Variants in C16orf87 observed in about 807,000 individuals in gnomAD.
The protein encoded by C16orf87 is HDAC and MIER1 interacting protein 1.
Under a neutral mutation model 21.0 loss-of-function variants are expected in C16orf87, and 13 were observed. The ratio of observed to expected loss-of-function variants is 0.62; its 90% CI spans 0.40 to 0.98. The LOEUF (loss-of-function observed/expected upper bound fraction) is 0.98. Among genes scored for constraint, C16orf87 ranks in the 50% least tolerant of loss-of-function variants. The pLI is 0.00. For synonymous variants in C16orf87, 49 were observed against 60.2 expected (o/e 0.81, Z 0.86); for missense variants, 113 against 180.4 (o/e 0.63, Z 2.14).
At chr16:46,811,230 G>A (rs972767198) in intron 2 of C16orf87, among the ~76,000 whole-genome samples, 5 of 152,226 alleles carry the variant, frequency 3.3e-5, no homozygotes, top group Admixed American at 6.5e-5. Context: ...CAGGCCAGGC[G>A]CGGTGGCTCA....
At chr16:46,830,390 G>C (rs1476842393) in intron 1 of C16orf87, among the ~76,000 whole-genome samples, 1 of 151,988 alleles carries the variant, frequency 6.6e-6, no homozygotes, top group Non-Finnish European at 1.5e-5. Context: ...ACTGCGAGGG[G>C]TGGGGAAGTT....
intron 2 of C16orf87, 75 bp from the exon 3 acceptor site, chr16:46,809,860 TTTTC>T: frequency 1.1e-6 from 1 of 924,378 alleles, no homozygotes; most frequent in Middle Eastern, 2.2e-4. Context: ...TTGTCTTCCT[TTTTC>T]TTTCTAAATA....
rs776562573 is a variant in C16orf87 at position 46,803,089 on chromosome 16, A to G, written c.347-19T>C. On this transcript the variant is annotated intron_variant, in intron 3 of 3. Transcript: ENST00000285697. ...TGTTTCTCTGTTAAAAGAAAAAGGGAAAGTTTAATATAAAGGCAGTAGATG... is the reference window on the plus strand; with the variant it reads ...TGTTTCTCTGTTAAAAGAAAAAGGGGAAGTTTAATATAAAGGCAGTAGATG... The G allele has an allele frequency of 8.0e-7, 1 of 1,249,906 alleles. No individual in the cohort carries two copies. The highest frequency in any genetic ancestry group is 1.5e-5 in the African/African-American group (1 of 66,706). The allele number at this position is 1,249,906 out of a possible 1,614,324, so 77.4% of individuals were successfully genotyped here.
chr16:46,802,699 G>C lies in C16orf87; in HGVS notation c.*253C>G. 3.6e-6 allele frequency: 1 copy of C among 276,482 alleles called. No individual in the cohort carries two copies. The highest frequency in any genetic ancestry group is 6.7e-6 in the Non-Finnish European group (1 of 150,150). The allele number at this position is 276,482 out of a possible 1,614,324, so 17.1% of individuals were successfully genotyped here. A position where few individuals can be genotyped will look rare whatever the true frequency, so the allele number is the denominator to read the frequency against. On this transcript the variant is annotated 3_prime_UTR_variant, in exon 4 of 4. Transcript: ENST00000285697. ...GCATTTTTGTTGGTTTTTTTTTGTTGTTGGCAAATACACTTACTTATATCC... is the reference window on the plus strand; with the variant it reads ...GCATTTTTGTTGGTTTTTTTTTGTTCTTGGCAAATACACTTACTTATATCC...
At chr16:46,816,486 AT>A (rs1316927799) in intron 2 of C16orf87, among the ~76,000 whole-genome samples, 2 of 152,244 alleles carry the variant, frequency 1.3e-5, no homozygotes, top group Middle Eastern at 3.2e-3. Context: ...AATAAGCTAA[AT>A]TTGACACGCT....
chr16:46,799,881 C>G lies in C16orf87; in HGVS notation c.*3071G>C, dbSNP rs1358359730. 1 of 152,228 alleles carries G rather than the reference C, an allele frequency of 6.6e-6. No individual in the cohort carries two copies. The highest frequency in any genetic ancestry group is 1.5e-5 in the Non-Finnish European group (1 of 68,066). The allele number at this position is 152,228 out of a possible 1,614,324, so 9.4% of individuals were successfully genotyped here. A position where few individuals can be genotyped will look rare whatever the true frequency, so the allele number is the denominator to read the frequency against. On this transcript the variant is annotated 3_prime_UTR_variant, in exon 4 of 4. Transcript: ENST00000285697. ...CTCAAACTCCTGGCTTCAAACAACT[C>G]TCCTGCCTTGGCCTCCCAAAGTGTT...
At chr16:46,803,915 G>T (rs1967846973) in intron 3 of C16orf87, among the ~76,000 whole-genome samples, 1 of 151,894 alleles carries the variant, frequency 6.6e-6, no homozygotes, top group Non-Finnish European at 1.5e-5. Flanking sequence ...GGAAAATAAG[G>T]GTTACACTGT....
intron 2 of C16orf87, among the ~76,000 whole-genome samples, chr16:46,812,428 AT>A (rs1968116269): frequency 1.3e-5 from 2 of 152,278 alleles, no homozygotes; most frequent in African/African-American, 4.8e-5. Context: ...TTGTGCTTAC[AT>A]TTTTTAATGT....
rs1399835669 is a variant in C16orf87, at chr16:46,800,600, T to C, written c.*2352A>G. 1.3e-5 allele frequency: 2 copies of C among 152,228 alleles called. No homozygotes were observed. The highest frequency in any genetic ancestry group is 4.8e-5 in the African/African-American group (2 of 41,458). The allele number at this position is 152,228 out of a possible 1,614,324, so 9.4% of individuals were successfully genotyped here. On this transcript the variant is annotated 3_prime_UTR_variant, in exon 4 of 4. Transcript: ENST00000285697. Reference sequence around the variant, plus strand: ...AATCATTTCAAGGTATTTTGAATAATCATATCATTTATAGATATCAGAGCA... The same window carrying C: ...AATCATTTCAAGGTATTTTGAATAACCATATCATTTATAGATATCAGAGCA...
In C16orf87 at chr16:46,802,347, T is replaced by C. The variant is rs1967801921; in HGVS notation, c.*605A>G. The stretch of plus-strand genomic sequence containing the variant: ...CCCAAACTTCAAACTGTCTAGAAAG[T>C]ATCTCCTAAAATATAACTCATACCT... On this transcript the variant is annotated 3_prime_UTR_variant, in exon 4 of 4. Coordinates refer to ENST00000285697, the MANE Select transcript of C16orf87 (RefSeq NM_001001436.4). The C allele has an allele frequency of 6.6e-6, 1 of 152,292 alleles. No individual in the cohort carries two copies. 9.4% of individuals were successfully genotyped at this position (152,292 alleles called of 1,614,324 possible).
rs867238818 is a variant in C16orf87 at position 46,802,853 on chromosome 16, C to T, written c.*99G>A. ...GGCGAGAAAGAAACAATCGATGGCC[C>T]TTATTGATGCAGTCAGAATGCTCCT... On this transcript the variant is annotated 3_prime_UTR_variant, in exon 4 of 4. Transcript: ENST00000285697. 2.9e-6 allele frequency: 2 copies of T among 689,000 alleles called. No homozygotes were observed. Among genetic ancestry groups the T allele is most frequent in the Non-Finnish European group, 2.6e-6 (1 of 380,158 alleles). 42.7% of individuals were successfully genotyped at this position (689,000 alleles called of 1,614,324 possible).
rs1402850538 is a variant in C16orf87 at position 46,831,069 on chromosome 16, GC to G, written c.66+14del. On this transcript the variant is annotated intron_variant, in intron 1 of 3. Transcript: ENST00000285697. ...CCACTGCCGCCCGCCCGCGCGCCCG[GC>G]CCCCGGCACCCACCTGTTGGTCGCA... 21 of 1,551,904 alleles carry G rather than the reference GC, an allele frequency of 1.4e-5. No homozygotes were observed. Among genetic ancestry groups the G allele is most frequent in the Middle Eastern group, 1.7e-4 (1 of 5,778 alleles).
intron 2 of C16orf87, among the ~76,000 whole-genome samples, chr16:46,810,358 T>C (rs1385903994): frequency 6.6e-6 from 1 of 152,060 alleles, no homozygotes; most frequent in Admixed American, 6.5e-5. Flanking sequence ...GTTCCATAAA[T>C]GGAATAGCAA....
intron 2 of C16orf87, among the ~76,000 whole-genome samples, chr16:46,818,644 C>A (rs1342473257): frequency 2.0e-5 from 3 of 151,706 alleles, no homozygotes; most frequent in Non-Finnish European, 4.4e-5. Context: ...GAACTAGTGT[C>A]CATTTAGAAA....
chr16:46,817,916 CAAAA>C (rs1056745014), intron 2 of C16orf87, among the ~76,000 whole-genome samples: 8 of 68,284 alleles, frequency 1.2e-4, no homozygotes, highest in South Asian at 6.8e-4. Flanking sequence ...CATCAAAAAG[CAAAA>C]AAAAAAAAAA....
chr16:46,830,930 G>A (rs972145790), intron 1 of C16orf87, 154 bp downstream of exon 1: 3 of 454,966 alleles, frequency 6.6e-6, no homozygotes, highest in Non-Finnish European at 1.1e-5. Flanking sequence ...AAACCCCTCG[G>A]TGCAGCCCGA....
At chr16:46,823,034 G>A (rs1314585998) in intron 2 of C16orf87, among the ~76,000 whole-genome samples, 2 of 152,100 alleles carry the variant, frequency 1.3e-5, no homozygotes, top group Non-Finnish European at 2.9e-5. Flanking sequence ...TCCAACCTTA[G>A]AACTTTTGCA....
chr16:46,815,849 T>G (rs908800859), intron 2 of C16orf87, among the ~76,000 whole-genome samples: 2 of 152,044 alleles, frequency 1.3e-5, no homozygotes, highest in African/African-American at 4.8e-5. Flanking sequence ...AATTCAGTCC[T>G]CAAAAAATTA....
chr16:46,806,909 A>C (rs1203931631), intron 3 of C16orf87, among the ~76,000 whole-genome samples: 2 of 152,230 alleles, frequency 1.3e-5, no homozygotes, highest in Admixed American at 1.3e-4. Flanking sequence ...CATGGTTAAA[A>C]TAAAGTTAAA....
Sources: gnomAD v4.1 joint callset for allele counts (sites outside exome capture counted in the v4.1 genomes callset) on GRCh38, gnomAD v4.1.1 for gene constraint, MANE v1.5 for transcripts, NCBI Gene and HGNC (gene_info 2026-07-23, HGNC 2026-07-21) for gene names.